Variants in GPC5 observed in about 807,000 individuals in gnomAD.
The protein encoded by GPC5 is glypican-5.
GPC5 carries 47 observed loss-of-function variants against 53.9 expected under a neutral mutation model. The observed-to-expected ratio is 0.87, with a 90% CI of 0.69 to 1.11. GPC5 has a LOEUF of 1.11. GPC5 is among the 50% of genes most tolerant of loss of function. The probability of loss-of-function intolerance (pLI) is 0.00; values close to 1 mark genes in which losing one functional copy is unlikely to be tolerated. For synonymous variants in GPC5, 286 were observed against 263.3 expected (o/e 1.09, Z -0.84); for missense variants, 748 against 713.1 (o/e 1.05, Z -0.56).
At chr13:92,539,358 C>T (rs1473996337) in intron 7 of GPC5, among the ~76,000 whole-genome samples, 2 of 152,020 alleles carry the variant, frequency 1.3e-5, no homozygotes, top group African/African-American at 2.4e-5. Flanking sequence ...TTAATGATCG[C>T]CACTCTAACT....
intron 7 of GPC5, among the ~76,000 whole-genome samples, chr13:92,649,188 A>T (rs928030031): frequency 3.3e-5 from 5 of 152,160 alleles, no homozygotes; most frequent in Non-Finnish European, 7.4e-5. Context: ...TGTTGCTGAC[A>T]TTAGGATACA....
intron 7 of GPC5, among the ~76,000 whole-genome samples, chr13:92,249,689 G>T (rs1428015423): frequency 6.6e-6 from 1 of 152,038 alleles, no homozygotes; most frequent in African/African-American, 2.4e-5. Context: ...TGAGTTAGTG[G>T]CAGAATGTAG....
At chr13:91,543,024 T>G (rs1391006699) in intron 2 of GPC5, among the ~76,000 whole-genome samples, 1 of 151,994 alleles carries the variant, frequency 6.6e-6, no homozygotes, top group East Asian at 1.9e-4. Flanking sequence ...GCCTGGCTAA[T>G]TTTTTGTATT....
chr13:92,372,543 T>A (rs944802126), intron 7 of GPC5, among the ~76,000 whole-genome samples: 1 of 152,186 alleles, frequency 6.6e-6, no homozygotes, highest in African/African-American at 2.4e-5. Context: ...TTGAAAATTA[T>A]AATATAGATC....
In GPC5 at chr13:92,598,402, G is replaced by A. The variant is rs72640294; in HGVS notation, c.1562-267880G>A. On this transcript the variant is annotated intron_variant, in intron 7 of 7. Transcript: ENST00000377067. The stretch of plus-strand genomic sequence containing the variant: ...TGTCAGATCAAATTTTTTTTTTTAC[G>A]TTGTATCTGACTCTGATATCCTTAT... 3.9e-3 allele frequency among the ~76,000 whole-genome samples: 583 copies of A among 149,916 alleles called. 2 individuals are homozygous for A. Among genetic ancestry groups the A allele is most frequent in the Middle Eastern group, 6.9e-3 (2 of 290 alleles).
intron 4 of GPC5, among the ~76,000 whole-genome samples, chr13:91,751,702 A>G (rs1416929112): frequency 6.6e-6 from 1 of 152,202 alleles, no homozygotes; most frequent in Admixed American, 6.5e-5. Context: ...CTCTCCAGAA[A>G]CAAGCTCATT....
At chr13:91,592,952 A>G (rs1036292953) in intron 2 of GPC5, among the ~76,000 whole-genome samples, 3 of 151,912 alleles carry the variant, frequency 2.0e-5, no homozygotes, top group Admixed American at 1.3e-4. Context: ...GGAGATGGGG[A>G]CCCTGGGCCA....
rs1450603132 is a variant in GPC5, at chr13:92,374,652, A to G, written c.1561+229663A>G. ...CTCACTCATAGGTGGGAATTGAACA[A>G]TGAGATCACATGGACACAGGAAGGG... is the stretch of plus-strand genomic sequence containing the variant. On this transcript the variant is annotated intron_variant, in intron 7 of 7. Transcript: ENST00000377067. 5.1e-5 allele frequency among the ~76,000 whole-genome samples: 7 copies of G among 137,210 alleles called. No individual in the cohort carries two copies. In the East Asian group the frequency reaches 9.5e-4, roughly 19 times the overall value. The allele number at this position is 137,210 out of a possible 152,430, so 90.0% of individuals were successfully genotyped here.
chr13:92,229,490 G>T (rs1315315938), intron 7 of GPC5, among the ~76,000 whole-genome samples: 1 of 149,092 alleles, frequency 6.7e-6, no homozygotes, highest in Non-Finnish European at 1.5e-5. Context: ...TGTAAATAAA[G>T]CATATATTTT....
At chr13:91,631,047 G>A (rs2139423863) in intron 2 of GPC5, among the ~76,000 whole-genome samples, 2 of 152,200 alleles carry the variant, frequency 1.3e-5, no homozygotes, top group African/African-American at 4.8e-5. Flanking sequence ...GCAGGAAACA[G>A]GGGACCTGTT....
chr13:91,830,776 A>C (rs1330182076), intron 5 of GPC5, among the ~76,000 whole-genome samples: 2 of 124,740 alleles, frequency 1.6e-5, no homozygotes, highest in Admixed American at 1.8e-4. Flanking sequence ...TATTATATAT[A>C]AAATATATAT....
intron 2 of GPC5, among the ~76,000 whole-genome samples, chr13:91,617,050 T>C (rs1229198807): frequency 1.3e-5 from 2 of 152,180 alleles, no homozygotes; most frequent in Admixed American, 1.3e-4. Flanking sequence ...TGGATCTTTT[T>C]AGCATTAAAT....
chr13:92,298,486 C>T (rs543661597), intron 7 of GPC5, among the ~76,000 whole-genome samples: 47 of 152,266 alleles, frequency 3.1e-4, no homozygotes, highest in African/African-American at 9.6e-4. Context: ...TCAGCAAGCC[C>T]GCAGGGATTT....
chr13:91,565,121 C>G (rs967349326), intron 2 of GPC5, among the ~76,000 whole-genome samples: 1 of 151,932 alleles, frequency 6.6e-6, no homozygotes, highest in African/African-American at 2.4e-5. Context: ...TCCCAAGTAG[C>G]TGGGATTATA....
At chr13:92,644,465 CATGTT>C (rs1885700491) in intron 7 of GPC5, among the ~76,000 whole-genome samples, 1 of 152,104 alleles carries the variant, frequency 6.6e-6, no homozygotes, top group Non-Finnish European at 1.5e-5. Flanking sequence ...TATAAGCTGA[CATGTT>C]AAGTTCCCTA....
intron 7 of GPC5, among the ~76,000 whole-genome samples, chr13:92,335,288 A>G (rs1024690923): frequency 1.3e-5 from 2 of 152,138 alleles, no homozygotes; most frequent in African/African-American, 2.4e-5. Flanking sequence ...GGCTTGAACC[A>G]TTTGAAGCCA....
At chr13:91,645,783 C>T (rs2139518708) in intron 2 of GPC5, among the ~76,000 whole-genome samples, 1 of 152,268 alleles carries the variant, frequency 6.6e-6, no homozygotes, top group Middle Eastern at 3.4e-3. Flanking sequence ...AAAAAAATCA[C>T]CTGGAGATCT....
intron 4 of GPC5, among the ~76,000 whole-genome samples, chr13:91,739,554 G>A (rs1199785087): frequency 6.6e-6 from 1 of 151,326 alleles, no homozygotes; most frequent in East Asian, 1.9e-4. Context: ...GTGGTCATCT[G>A]AAAGCTCAAG....
At chr13:91,622,604 C>T (rs9523384) in intron 2 of GPC5, among the ~76,000 whole-genome samples, 148,430 of 152,210 alleles carry the variant, frequency 0.98, 72,472 homozygotes, top group East Asian at 1. Context: ...TCTAGCCTGG[C>T]GTGAAAACTA....
Sources: gnomAD v4.1 joint callset for allele counts (sites outside exome capture counted in the v4.1 genomes callset) on GRCh38, gnomAD v4.1.1 for gene constraint, MANE v1.5 for transcripts, NCBI Gene and HGNC (gene_info 2026-07-23, HGNC 2026-07-21) for gene names.